Variants in AKAP6 observed in about 807,000 individuals in gnomAD.
The protein encoded by AKAP6 is A-kinase anchoring protein 6.
A neutral mutation model predicts 188.5 loss-of-function variants in AKAP6; 58 were observed. The observed-to-expected ratio is 0.31, with a 90% confidence interval of 0.25 to 0.38. The LOEUF is 0.38. Ranked by LOEUF, AKAP6 falls within the 10% of genes least tolerant of loss-of-function variation. The probability of loss-of-function intolerance (pLI) is 1.00; values close to 1 mark genes in which losing one functional copy is unlikely to be tolerated. For synonymous variants in AKAP6, 989 were observed against 998.6 expected, an observed-to-expected ratio of 0.99 and a Z score of 0.18; for missense variants, 2,710 against 2,740.0, an observed-to-expected ratio of 0.99 and a Z score of 0.24.
intron 1 of AKAP6, among the ~76,000 whole-genome samples, chr14:32,340,772 G>C (rs1247370485): frequency 1.3e-5 from 2 of 152,216 alleles, no homozygotes; most frequent in Non-Finnish European, 2.9e-5. Context: ...AGGTACCAAA[G>C]ATTTGGTGTC....
intron 11 of AKAP6, among the ~76,000 whole-genome samples, chr14:32,771,128 A>G (rs2032884087): frequency 6.6e-6 from 1 of 152,302 alleles, no homozygotes; most frequent in East Asian, 1.9e-4. Flanking sequence ...ATGCATATGT[A>G]TATTTTAATG....
chr14:32,694,145 A>C (rs2139690052), intron 8 of AKAP6, among the ~76,000 whole-genome samples: 1 of 151,724 alleles, frequency 6.6e-6, no homozygotes, highest in Non-Finnish European at 1.5e-5. Context: ...GCGGATCATG[A>C]GGTCAGGAGA....
At chr14:32,678,260 ATG>A in intron 7 of AKAP6, 49 bp from the exon 8 acceptor site, 2 of 1,564,442 alleles carry the variant, frequency 1.3e-6, no homozygotes, top group Non-Finnish European at 1.7e-6. Flanking sequence ...CTCACTTGAA[ATG>A]CATTCCTTCT....
intron 2 of AKAP6, among the ~76,000 whole-genome samples, chr14:32,491,512 C>A (rs529433385): frequency 2.0e-5 from 3 of 152,120 alleles, no homozygotes; most frequent in Non-Finnish European, 4.4e-5. Flanking sequence ...ATGTGGCTGT[C>A]CTCCCTGTGG....
At chr14:32,773,351 T>C (rs1454048150) in intron 11 of AKAP6, among the ~76,000 whole-genome samples, 1 of 152,192 alleles carries the variant, frequency 6.6e-6, no homozygotes, top group Admixed American at 6.5e-5. Context: ...TCAAAGCATG[T>C]CAATCTGTTT....
rs116832546 is a variant in AKAP6 at position 32,698,299 on chromosome 14, C to T, written c.3000+2189C>T. Among the ~76,000 whole-genome samples, 1,159 of 152,236 alleles carry T rather than the reference C, an allele frequency of 7.6e-3. 22 individuals carry two copies. Among genetic ancestry groups the T allele is most frequent in the African/African-American group, 0.027 (1,119 of 41,574 alleles). On this transcript the variant is annotated intron_variant, in intron 9 of 13. Coordinates refer to ENST00000280979, the MANE Select transcript of AKAP6 (RefSeq NM_004274.5). ...CAATATCCTATTCCTCTGTTCTAATCTGCTTTTCCAGGAATCAACTGAACT... is the reference window on the plus strand; with the variant it reads ...CAATATCCTATTCCTCTGTTCTAATTTGCTTTTCCAGGAATCAACTGAACT...
intron 2 of AKAP6, among the ~76,000 whole-genome samples, chr14:32,526,591 G>C (rs1374578019): frequency 1.3e-5 from 2 of 151,680 alleles, no homozygotes; most frequent in African/African-American, 4.8e-5. Context: ...CATTGCCCAG[G>C]GTGGTCTCAA....
chr14:32,654,822 C>G (rs902446398), intron 7 of AKAP6, among the ~76,000 whole-genome samples: 9 of 150,652 alleles, frequency 6.0e-5, no homozygotes, highest in African/African-American at 2.2e-4. Context: ...GCACTCCAGT[C>G]TGGGTGACAG....
intron 8 of AKAP6, among the ~76,000 whole-genome samples, chr14:32,686,304 A>G (rs1566646610): frequency 1.3e-5 from 2 of 152,208 alleles, no homozygotes; most frequent in Non-Finnish European, 2.9e-5. Flanking sequence ...GTAGTAGAGC[A>G]TCAGAGTTGG....
intron 3 of AKAP6, among the ~76,000 whole-genome samples, chr14:32,536,497 A>G (rs1473172409): frequency 6.6e-6 from 1 of 152,246 alleles, no homozygotes; most frequent in African/African-American, 2.4e-5. Context: ...AGGTCAGATC[A>G]TGAAGATAAA....
Position 32,831,225 on chromosome 14 carries a change from T to A in AKAP6, c.*1420T>A, listed in dbSNP as rs906869952. On this transcript the variant is annotated 3_prime_UTR_variant, in exon 14 of 14. Coordinates refer to ENST00000280979, the MANE Select transcript of AKAP6 (RefSeq NM_004274.5). ...GGTATATTTATATGTGTAAAAGAAATTGACAAAGAAATATTTCATCTGGCC... is the reference window on the plus strand; with the variant it reads ...GGTATATTTATATGTGTAAAAGAAAATGACAAAGAAATATTTCATCTGGCC... 3 of 152,140 alleles carry A rather than the reference T, an allele frequency of 2.0e-5. No individual in the cohort carries two copies. Among genetic ancestry groups the A allele is most frequent in the Non-Finnish European group, 4.4e-5 (3 of 68,014 alleles). 9.4% of individuals were successfully genotyped at this position (152,140 alleles called of 1,614,324 possible). A position where few individuals can be genotyped will look rare whatever the true frequency, so the allele number is the denominator to read the frequency against.
At chr14:32,665,717 A>G (rs1888905734) in intron 7 of AKAP6, among the ~76,000 whole-genome samples, 1 of 152,190 alleles carries the variant, frequency 6.6e-6, no homozygotes, top group Admixed American at 6.5e-5. Flanking sequence ...CAGAGCAGAA[A>G]GTCAGAGGCT....
chr14:32,570,700 C>T (rs924279416), intron 4 of AKAP6, among the ~76,000 whole-genome samples: 4 of 152,160 alleles, frequency 2.6e-5, no homozygotes, highest in African/African-American at 9.7e-5. Flanking sequence ...TGTTCAGAGA[C>T]ATTAAGTCAT....
At chr14:32,781,655 A>G (rs934116078) in intron 12 of AKAP6, among the ~76,000 whole-genome samples, 8 of 152,304 alleles carry the variant, frequency 5.3e-5, no homozygotes, top group Admixed American at 5.2e-4. Flanking sequence ...AAAGATTCTT[A>G]ACAAAATTTT....
intron 4 of AKAP6, among the ~76,000 whole-genome samples, chr14:32,563,175 T>C (rs1260381980): frequency 6.6e-6 from 1 of 152,112 alleles, no homozygotes; most frequent in Non-Finnish European, 1.5e-5. Flanking sequence ...TATTAATGGG[T>C]GAGGGCATTC....
intron 12 of AKAP6, among the ~76,000 whole-genome samples, chr14:32,775,002 T>G (rs556955750): frequency 4.6e-4 from 70 of 152,332 alleles, no homozygotes; most frequent in South Asian, 1.0e-3. Flanking sequence ...CATCTGTAGA[T>G]ATATTGAGTC....
At chr14:32,498,747 G>C (rs908090605) in intron 2 of AKAP6, among the ~76,000 whole-genome samples, 3 of 152,030 alleles carry the variant, frequency 2.0e-5, no homozygotes, top group African/African-American at 7.2e-5. Context: ...ATATCATGTG[G>C]CAGAGGGGTA....
intron 1 of AKAP6, among the ~76,000 whole-genome samples, chr14:32,359,466 C>T (rs1482407551): frequency 6.6e-6 from 1 of 151,932 alleles, no homozygotes; most frequent in Admixed American, 6.5e-5. Flanking sequence ...GTACCCTTCA[C>T]TCATCTTCCT....
At chr14:32,672,272 A>G (rs552189219) in intron 7 of AKAP6, among the ~76,000 whole-genome samples, 3 of 152,358 alleles carry the variant, frequency 2.0e-5, no homozygotes, top group African/African-American at 7.2e-5. Context: ...GCTGTTATTG[A>G]TAAATAGCAA....
Sources: gnomAD v4.1 joint callset for allele counts (sites outside exome capture counted in the v4.1 genomes callset) on GRCh38, gnomAD v4.1.1 for gene constraint, MANE v1.5 for transcripts, NCBI Gene and HGNC (gene_info 2026-07-23, HGNC 2026-07-21) for gene names.